The following TJP2 variants were observed in gnomAD, a reference collection of about 807,000 sequenced individuals.
The protein encoded by TJP2 is Friedreich ataxia region gene X104 (tight junction protein ZO-2).
Under a neutral mutation model 133.1 loss-of-function variants are expected in TJP2, and 91 were observed. The ratio of observed to expected loss-of-function variants is 0.68; its 90% confidence interval spans 0.58 to 0.81. The LOEUF (loss-of-function observed/expected upper bound fraction) is 0.81, where lower values mean the gene tolerates loss of function less well. TJP2 is among the 40% of genes least tolerant of loss of function. The pLI, the probability that TJP2 is intolerant of heterozygous loss-of-function variation, is 0.00. For synonymous variants in TJP2, 592 were observed against 583.4 expected, an observed-to-expected ratio of 1.01 and a Z score of -0.21; for missense variants, 1,541 against 1,565.6, an observed-to-expected ratio of 0.98 and a Z score of 0.26.
At chr9:69,231,484 T>TA (rs2133353144) in intron 11 of TJP2, among the ~76,000 whole-genome samples, 1 of 151,938 alleles carries the variant, frequency 6.6e-6, no homozygotes, top group East Asian at 1.9e-4. Context: ...TTAATGTTAG[T>TA]AAAAAATCCA....
intron 2 of TJP2, among the ~76,000 whole-genome samples, chr9:69,167,580 C>T (rs981787335): frequency 6.6e-6 from 1 of 152,176 alleles, no homozygotes; most frequent in African/African-American, 2.4e-5. Context: ...GTCTACCTGG[C>T]CTGGTGTGGT....
Position 69,163,065 on chromosome 9 carries a change from G to A in TJP2, c.-10+11294G>A, listed in dbSNP as rs1330757915. On this transcript the variant is annotated intron_variant, in intron 2 of 5. Transcript: ENST00000423935. ...TTTTGAGACGGAGTCTCGCTCTGTC[G>A]CCCAGGCTGGAGTGCAGTGGCGGGA... 7.9e-5 allele frequency among the ~76,000 whole-genome samples: 3 copies of A among 38,012 alleles called. 1 individual carries two copies. Among genetic ancestry groups the A allele is most frequent in the Non-Finnish European group, 1.4e-4 (3 of 21,004 alleles). The allele number at this position is 38,012 out of a possible 152,430, so 24.9% of individuals were successfully genotyped here. A position where few individuals can be genotyped will look rare whatever the true frequency, so the allele number is the denominator to read the frequency against.
intron 1 of TJP2, among the ~76,000 whole-genome samples, chr9:69,177,623 T>A (rs1825191593): frequency 6.6e-6 from 1 of 151,724 alleles, no homozygotes; most frequent in African/African-American, 2.4e-5. Flanking sequence ...TTGCAGTAGC[T>A]AGTTTTAATT....
At chr9:69,217,348 A>G (rs1828468085) in intron 3 of TJP2, among the ~76,000 whole-genome samples, 1 of 152,230 alleles carries the variant, frequency 6.6e-6, no homozygotes, top group Non-Finnish European at 1.5e-5. Context: ...TCTCAGGACG[A>G]AGTCTAAAGT....
At chr9:69,197,498 T>C (rs1826671237) in intron 1 of TJP2, among the ~76,000 whole-genome samples, 1 of 152,206 alleles carries the variant, frequency 6.6e-6, no homozygotes, top group Non-Finnish European at 1.5e-5. Flanking sequence ...TGTGATGTAC[T>C]TGTTGGTTTT....
intron 18 of TJP2, among the ~76,000 whole-genome samples, chr9:69,247,318 A>T (rs1457610131): frequency 6.6e-6 from 1 of 152,168 alleles, no homozygotes; most frequent in African/African-American, 2.4e-5. Context: ...CCTCGGGGAG[A>T]TAGCTCACAC....
intron 1 of TJP2, among the ~76,000 whole-genome samples, chr9:69,137,432 A>G (rs1822826586): frequency 6.6e-6 from 1 of 151,176 alleles, no homozygotes; most frequent in Non-Finnish European, 1.5e-5. Context: ...GTGTGATCAC[A>G]GCTCACTGCA....
chr9:69,235,483 C>T (rs970395476), intron 12 of TJP2, among the ~76,000 whole-genome samples: 9 of 151,914 alleles, frequency 5.9e-5, no homozygotes, highest in South Asian at 2.1e-4. Flanking sequence ...CCACCACGCC[C>T]GGCTAATTTT....
At chr9:69,140,423 G>T (rs1822969364) in intron 1 of TJP2, among the ~76,000 whole-genome samples, 1 of 152,172 alleles carries the variant, frequency 6.6e-6, no homozygotes, top group Non-Finnish European at 1.5e-5. Flanking sequence ...TTCAATCTCA[G>T]GCAGTGTGGC....
At chr9:69,211,898 T>C (rs1827941757) in intron 1 of TJP2, among the ~76,000 whole-genome samples, 1 of 152,168 alleles carries the variant, frequency 6.6e-6, no homozygotes. Context: ...TGAGTGTTCT[T>C]GGCATTTCTA....
At chr9:69,238,627 A>G (rs1422774463) in intron 15 of TJP2, 83 bp from the exon 16 acceptor site, 2 of 1,051,034 alleles carry the variant, frequency 1.9e-6, no homozygotes, top group Non-Finnish European at 2.9e-6. Flanking sequence ...CAGGTGTGCC[A>G]TCATTGCTTG....
chr9:69,130,574 T>G (rs1210248247), intron 1 of TJP2, among the ~76,000 whole-genome samples: 2 of 152,056 alleles, frequency 1.3e-5, no homozygotes, highest in African/African-American at 4.8e-5. Flanking sequence ...AATCCCGCTT[T>G]GAGAACCAGT....
In TJP2 at chr9:69,237,138, T is replaced by TG; in HGVS notation, c.2179+3dup. 6.2e-7 allele frequency: 1 copy of TG among 1,613,930 alleles called. No individual in the cohort carries two copies. Among genetic ancestry groups the TG allele is most frequent in the Non-Finnish European group, 8.5e-7 (1 of 1,179,908 alleles). On this transcript the variant is annotated splice_region_variant and intron_variant, in intron 14 of 22. Transcript: ENST00000377245. ...ATGAGAGGGTTTTGCTGCGAGAAGG[T>TG]GAGGAAGTCACATGGGGCCTGGAAA...
intron 15 of TJP2, among the ~76,000 whole-genome samples, chr9:69,238,272 G>A (rs1023589752): frequency 6.6e-6 from 1 of 152,098 alleles, no homozygotes; most frequent in Non-Finnish European, 1.5e-5. Flanking sequence ...CATTATCACA[G>A]CCAAGAAAGG....
chr9:69,124,011 G>T (rs1262097726), intron 1 of TJP2, among the ~76,000 whole-genome samples: 1 of 74,656 alleles, frequency 1.3e-5, no homozygotes, highest in African/African-American at 4.1e-5. Flanking sequence ...GGGACTATAG[G>T]CACCCGCCAC....
intron 17 of TJP2, among the ~76,000 whole-genome samples, chr9:69,243,218 A>C (rs896039070): frequency 2.0e-5 from 3 of 152,222 alleles, no homozygotes; most frequent in African/African-American, 7.2e-5. Flanking sequence ...GTGAGTTAGT[A>C]GTTGAGAATA....
intron 1 of TJP2, among the ~76,000 whole-genome samples, chr9:69,139,159 G>A (rs1156474888): frequency 2.0e-5 from 3 of 152,184 alleles, no homozygotes; most frequent in Admixed American, 6.5e-5. Flanking sequence ...GGAGGTTGCA[G>A]TGAGCTGAGA....
intron 1 of TJP2, among the ~76,000 whole-genome samples, chr9:69,143,898 G>A (rs1018549873): frequency 6.6e-5 from 10 of 152,080 alleles, no homozygotes; most frequent in Admixed American, 2.6e-4. Flanking sequence ...ACACTCTACC[G>A]TATACATGAG....
intron 1 of TJP2, among the ~76,000 whole-genome samples, chr9:69,138,441 C>T (rs1322128247): frequency 6.8e-6 from 1 of 147,270 alleles, no homozygotes; most frequent in Non-Finnish European, 1.5e-5. Context: ...CTTTTTCCAT[C>T]ACAAGACAAA....
Sources: allele counts gnomAD v4.1 joint callset (sites outside exome capture counted in the v4.1 genomes callset), GRCh38; gene constraint gnomAD v4.1.1; transcripts MANE v1.5; gene names NCBI Gene and HGNC (gene_info 2026-07-23, HGNC 2026-07-21).